Variants in RYR1 observed in about 807,000 individuals in gnomAD.
RYR1 encodes the protein ryanodine receptor 1.
Under a neutral mutation model 583.5 loss-of-function variants are expected in RYR1, and 342 were observed. The observed-to-expected ratio is 0.59, with a 90% confidence interval of 0.54 to 0.64. The LOEUF is 0.64. RYR1 is among the 30% of genes least tolerant of loss of function. The pLI, the probability that RYR1 is intolerant of heterozygous loss-of-function variation, is 0.00. For synonymous variants in RYR1, 2,791 were observed against 2,822.5 expected (o/e 0.99, Z 0.35); for missense variants, 6,032 against 6,917.2 (o/e 0.87, Z 4.54).
chr19:38,536,722 C>T, intron 82 of RYR1, 28 bp from the exon 83 acceptor site: 1 of 1,613,788 alleles, frequency 6.2e-7, no homozygotes, highest in Non-Finnish European at 8.5e-7. Context: ...TCTCCTGCTT[C>T]CTCCTCCCAT....
At chr19:38,510,470 C>G in intron 58 of RYR1, 28 bp from the exon 59 acceptor site, 1 of 1,613,952 alleles carries the variant, frequency 6.2e-7, no homozygotes, top group Non-Finnish European at 8.5e-7. Flanking sequence ...CTTGAACCCA[C>G]TGTGAACCCT....
chr19:38,573,949 A>T (rs1973842090), intron 96 of RYR1, among the ~76,000 whole-genome samples: 1 of 152,024 alleles, frequency 6.6e-6, no homozygotes, highest in African/African-American at 2.4e-5. Context: ...AGTGCAAAAT[A>T]AAAAAACATG....
rs773999805 is a variant in RYR1 at position 38,496,355 on chromosome 19, A to T, written c.6663+26A>T. On this transcript the variant is annotated intron_variant, in intron 40 of 105. Transcript: ENST00000359596. The surrounding 1 kb of genome is among the most constrained non-coding windows in gnomAD (Gnocchi z 4.8). ...GTGAGGGCCCAGGCAGGTGCTGGGG[A>T]GCTCAGGGGAGGCAGCCACAGAGGG... 3.1e-6 allele frequency: 5 copies of T among 1,613,618 alleles called. No individual in the cohort carries two copies. Among genetic ancestry groups the T allele is most frequent in the Admixed American group, 3.3e-5 (2 of 59,994 alleles).
intron 23 of RYR1, 98 bp downstream of exon 23, chr19:38,464,820 A>C (rs1229679014): frequency 9.5e-7 from 1 of 1,054,720 alleles, no homozygotes; most frequent in Non-Finnish European, 1.4e-6. Flanking sequence ...GGGGAGGCTG[A>C]GGTTAGGGAG....
chr19:38,506,788 G>A, intron 56 of RYR1, 41 bp from the exon 57 acceptor site: 2 of 1,613,798 alleles, frequency 1.2e-6, no homozygotes, highest in South Asian at 1.1e-5. Context: ...AGTGGCCCGG[G>A]TCTTCCCCAG....
At chr19:38,495,459 C>T (rs1600805257) in intron 39 of RYR1, among the ~76,000 whole-genome samples, 1 of 152,090 alleles carries the variant, frequency 6.6e-6, no homozygotes, top group East Asian at 1.9e-4. Context: ...GATCCTCCTG[C>T]CTCAGTCTCC....
intron 13 of RYR1, among the ~76,000 whole-genome samples, chr19:38,453,855 G>T (rs1476259763): frequency 6.6e-6 from 1 of 152,012 alleles, no homozygotes; most frequent in Non-Finnish European, 1.5e-5. Flanking sequence ...GAGGTGACGA[G>T]GGCCAGGCCT....
intron 42 of RYR1, among the ~76,000 whole-genome samples, chr19:38,497,216 G>A (rs911311000): frequency 5.3e-5 from 8 of 151,880 alleles, no homozygotes; most frequent in Non-Finnish European, 8.8e-5. Flanking sequence ...GGATGGGGGC[G>A]GATCCGCACT....
At position 38,502,981 on chromosome 19, in the gene RYR1, G is replaced by A. The variant is rs112124868; in HGVS notation, c.7926+11G>A. The stretch of plus-strand genomic sequence containing the variant: ...AAGATGCCACTCAAGGTGAGGGCAA[G>A]CGCTCTTTAGCATCTCATTTCCAGG... On this transcript the variant is annotated intron_variant, in intron 49 of 105. Transcript: ENST00000359596. 1.6e-5 allele frequency: 26 copies of A among 1,606,348 alleles called. No individual in the cohort carries two copies. Among genetic ancestry groups the A allele is most frequent in the African/African-American group, 1.6e-4 (12 of 75,032 alleles).
chr19:38,475,416 G>A lies in RYR1; in HGVS notation c.4259G>A (p.Arg1420His), dbSNP rs150499158. ...CACGACGTGGTGCCTGCAGACAACC[G>A]CGATGACCCCGAGATCATCCTCAAC... is the stretch of plus-strand genomic sequence containing the variant. ...LPHDVVPADN[R>H]DDPEIILNTT... The change falls in exon 29 of 106, where the codon CGC becomes CAC. Residue 1420 changes from arginine (R) to histidine (H), a missense_variant. Around this residue, in one of 11 missense-constraint regions of RYR1, gnomAD observed 2,627 missense variants for 2,961.3 expected, o/e 0.89. Transcript: ENST00000359596. 30 of 1,613,596 alleles carry A rather than the reference G, an allele frequency of 1.9e-5. No individual in the cohort carries two copies. Among genetic ancestry groups the A allele is most frequent in the Non-Finnish European group, 2.3e-5 (27 of 1,180,012 alleles).
At chr19:38,456,647 C>T (rs937207180) in intron 16 of RYR1, among the ~76,000 whole-genome samples, 6 of 151,926 alleles carry the variant, frequency 3.9e-5, no homozygotes, top group African/African-American at 1.5e-4. Flanking sequence ...TATATATATA[C>T]ACACACTCTG....
chr19:38,540,104 GA>G lies in RYR1; in HGVS notation c.11689+2147del, dbSNP rs570672529. Among the ~76,000 whole-genome samples, 20 of 152,128 alleles carry G rather than the reference GA, an allele frequency of 1.3e-4. No individual in the cohort carries two copies. In the South Asian group the frequency reaches 4.2e-3, roughly 32 times the overall value. ...GAACTGACTGTAAAAAAGTTAAGGG[GA>G]AAGAAAAACGGGGGGCAAAAATACT... On this transcript the variant is annotated intron_variant, in intron 84 of 105. Transcript: ENST00000359596.
chr19:38,473,303 G>A, intron 27 of RYR1, 74 bp from the exon 28 acceptor site: 1 of 1,572,566 alleles, frequency 6.4e-7, no homozygotes, highest in Non-Finnish European at 8.7e-7. Flanking sequence ...GGCTCCGTGT[G>A]TGACCAGGTG....
At chr19:38,581,628 T>G (rs1974213488) in intron 101 of RYR1, among the ~76,000 whole-genome samples, 1 of 151,636 alleles carries the variant, frequency 6.6e-6, no homozygotes, top group Non-Finnish European at 1.5e-5. Flanking sequence ...AGACAGAGTC[T>G]CGTTCTGTCA....
rs745880204 is a variant in RYR1, at chr19:38,500,722, C to A, written c.7440C>A (p.Gly2480=). 2.9e-5 allele frequency: 46 copies of A among 1,614,006 alleles called. No homozygotes were observed. Among genetic ancestry groups the A allele is most frequent in the Admixed American group, 1.0e-4 (6 of 59,996 alleles). ...ISLPLQIPTL[G]KDGALVQPKM... is the part of the protein sequence containing the mutation. ...TCCCACTGCAGATTCCCACCCTGGG[C>A]AAAGGTGCAGAGGGGATGGAACTTG... The change falls in exon 46 of 106, where the codon GGC becomes GGA. Residue 2480 remains glycine (G), a synonymous_variant. Coordinates refer to ENST00000359596, the MANE Select transcript of RYR1 (RefSeq NM_000540.3). This position sits in a 1 kb window ranked among gnomAD's most constrained non-coding sequence, Gnocchi z 5.9.
At chr19:38,438,787 T>A (rs960271023) in intron 1 of RYR1, among the ~76,000 whole-genome samples, 1 of 150,940 alleles carries the variant, frequency 6.6e-6, no homozygotes, top group Non-Finnish European at 1.5e-5. Flanking sequence ...CCCGGCTAAT[T>A]TTTTGTATTT....
intron 96 of RYR1, among the ~76,000 whole-genome samples, chr19:38,573,789 T>C (rs1332294566): frequency 1.3e-5 from 2 of 152,064 alleles, no homozygotes; most frequent in Non-Finnish European, 2.9e-5. Flanking sequence ...ACATTTCCCA[T>C]GCATTACAGC....
chr19:38,480,137 A>G (rs1968937749), intron 31 of RYR1, among the ~76,000 whole-genome samples: 1 of 151,416 alleles, frequency 6.6e-6, no homozygotes, highest in Non-Finnish European at 1.5e-5. Flanking sequence ...ATCTTGTTTC[A>G]TCTTTTTTGT....
Position 38,516,166 on chromosome 19 carries a change from G to C in RYR1, c.9634G>C (p.Glu3212Gln). Residue 3212 changes from glutamate to glutamine, a missense_variant, in exon 65 of 106, where the codon GAG (glutamate) becomes CAG (glutamine). Coordinates refer to ENST00000359596, the MANE Select transcript of RYR1 (RefSeq NM_000540.3). ...GGCGTTCCTGGAGCCGCAGCTGAACGAGTACAACGCCTGCTCCGTGTACAC... is the reference window on the plus strand; with the variant it reads ...GGCGTTCCTGGAGCCGCAGCTGAACCAGTACAACGCCTGCTCCGTGTACAC... ...PVAFLEPQLN[E>Q]YNACSVYTTK... 10 of 1,562,738 alleles carry C rather than the reference G, an allele frequency of 6.4e-6. No homozygotes were observed. Among genetic ancestry groups the C allele is most frequent in the Non-Finnish European group, 8.7e-6 (10 of 1,153,392 alleles).
Sources: allele counts gnomAD v4.1 joint callset (sites outside exome capture counted in the v4.1 genomes callset), GRCh38; gene constraint gnomAD v4.1.1; regional missense constraint gnomAD v4.1.1; non-coding constraint Gnocchi (gnomAD v3.1); transcripts MANE v1.5; gene names NCBI Gene and HGNC (gene_info 2026-07-23, HGNC 2026-07-21).